The following ADAMTS20 variants were observed in gnomAD, a reference collection of about 807,000 sequenced individuals.
ADAMTS20 encodes the protein ADAM metallopeptidase with thrombospondin type 1 motif 20, also known as A disintegrin and metalloproteinase with thrombospondin motifs 20.
Under a neutral mutation model 260.1 loss-of-function variants are expected in ADAMTS20, and 225 were observed. That is an observed-to-expected ratio of 0.87 (90% CI 0.78 to 0.97). The LOEUF (loss-of-function observed/expected upper bound fraction) is 0.97. Among genes scored for constraint, ADAMTS20 ranks in the 50% least tolerant of loss-of-function variants. ADAMTS20 has a pLI of 0.00. For synonymous variants in ADAMTS20, 802 were observed against 769.5 expected (o/e 1.04, Z -0.70); for missense variants, 2,400 against 2,337.7 (o/e 1.03, Z -0.55).
intron 28 of ADAMTS20, among the ~76,000 whole-genome samples, chr12:43,418,610 C>T (rs1330195939): frequency 1.3e-5 from 2 of 152,124 alleles, no homozygotes; most frequent in African/African-American, 2.4e-5. Flanking sequence ...CACCCAGGCT[C>T]GCCAAGGGCA....
At chr12:43,373,853 G>A (rs969439047) in intron 36 of ADAMTS20, among the ~76,000 whole-genome samples, 17 of 151,074 alleles carry the variant, frequency 1.1e-4, no homozygotes, top group Non-Finnish European at 2.2e-4. Flanking sequence ...CTAATTTTTT[G>A]TATTTTTAGT....
Position 43,369,331 on chromosome 12 carries a change from CA to C in ADAMTS20, c.5496del (p.Phe1832LeufsTer27). ...SKTIFGNAVP[F>X]ATAGDCYSAF... ...GCACTGTAGCAATCTCCAGCTGTGGCAAATGGAACTGCATTTCCAAATATTG... is the reference window on the plus strand; with the variant it reads ...GCACTGTAGCAATCTCCAGCTGTGGCAATGGAACTGCATTTCCAAATATTG... On this transcript the variant is annotated frameshift_variant, in exon 37 of 39. Coordinates refer to ENST00000389420, the MANE Select transcript of ADAMTS20 (RefSeq NM_025003.5). LOFTEE classifies it high-confidence loss of function. 6.4e-7 allele frequency: 1 copy of C among 1,559,828 alleles called. No individual in the cohort carries two copies. Among genetic ancestry groups the C allele is most frequent in the South Asian group, 1.2e-5 (1 of 81,438 alleles).
rs368540673 is a variant in ADAMTS20, at chr12:43,532,104, G to A, written c.545C>T (p.Pro182Leu). 10 of 1,612,182 alleles carry A rather than the reference G, an allele frequency of 6.2e-6. No homozygotes were observed. Among genetic ancestry groups the A allele is most frequent in the Admixed American group, 1.7e-5 (1 of 59,864 alleles). ...GNEYEDGHNK[P>L]HLIYRQDLNN... is the part of the protein sequence containing the mutation. ...TAAGTCTTGTCTGTATATAAGATGT[G>A]GCTTGTTGTGACCATCTTCATATTC... The change falls in exon 3 of 39, where the codon CCA becomes CTA. Residue 182 changes from proline to leucine, a missense_variant. Transcript: ENST00000389420.
chr12:43,376,029 C>G, intron 35 of ADAMTS20, 28 bp downstream of exon 35: 1 of 1,536,348 alleles, frequency 6.5e-7, no homozygotes, highest in Non-Finnish European at 8.8e-7. Context: ...CATGAAAATG[C>G]TCAGATAGAC....
At chr12:43,415,450 T>C (rs759387539) in intron 28 of ADAMTS20, among the ~76,000 whole-genome samples, 2 of 152,236 alleles carry the variant, frequency 1.3e-5, no homozygotes, top group Non-Finnish European at 2.9e-5. Context: ...GTTTGAAATA[T>C]TATTAGCCTT....
chr12:43,472,719 T>C (rs1459405693), intron 7 of ADAMTS20, among the ~76,000 whole-genome samples: 1 of 149,668 alleles, frequency 6.7e-6, no homozygotes, highest in Non-Finnish European at 1.5e-5. Flanking sequence ...AGCCAGAATT[T>C]CATATCCAGC....
At chr12:43,358,924 G>C (rs1405590194) in intron 37 of ADAMTS20, among the ~76,000 whole-genome samples, 1 of 147,668 alleles carries the variant, frequency 6.8e-6, no homozygotes, top group African/African-American at 2.6e-5. Flanking sequence ...GATTTTAGAA[G>C]TAATAAATAA....
At chr12:43,420,318 C>T (rs1316261151) in intron 28 of ADAMTS20, among the ~76,000 whole-genome samples, 1 of 152,078 alleles carries the variant, frequency 6.6e-6, no homozygotes, top group Non-Finnish European at 1.5e-5. Flanking sequence ...GTAGTAGATA[C>T]TCATACTTTT....
chr12:43,503,878 T>C (rs1006058499), intron 3 of ADAMTS20, among the ~76,000 whole-genome samples: 1 of 152,174 alleles, frequency 6.6e-6, no homozygotes, highest in Non-Finnish European at 1.5e-5. Flanking sequence ...TTCATGTTGT[T>C]GAAAGAACAT....
At chr12:43,501,461 A>G (rs7971722) in intron 4 of ADAMTS20, among the ~76,000 whole-genome samples, 30,836 of 130,592 alleles carry the variant, frequency 0.24, 3,859 homozygotes, top group East Asian at 0.45. Context: ...GGAGGGGGAT[A>G]CGCGCGCGCG....
At chr12:43,514,181 G>T (rs1225161934) in intron 3 of ADAMTS20, among the ~76,000 whole-genome samples, 7 of 150,884 alleles carry the variant, frequency 4.6e-5, no homozygotes, top group Non-Finnish European at 1.0e-4. Context: ...TGAAATCCTG[G>T]GCTCAAGCAA....
chr12:43,490,345 A>G (rs1942581869), intron 7 of ADAMTS20, 50 bp downstream of exon 7: 2 of 930,294 alleles, frequency 2.1e-6, no homozygotes, highest in Non-Finnish European at 3.1e-6. Flanking sequence ...TATTGTAAAT[A>G]ATTCAATAAA....
chr12:43,368,986 C>T (rs1036987344), intron 37 of ADAMTS20, among the ~76,000 whole-genome samples: 1 of 152,090 alleles, frequency 6.6e-6, no homozygotes, highest in African/African-American at 2.4e-5. Context: ...GTTCCTTTGC[C>T]TTTTGACAAA....
intron 3 of ADAMTS20, among the ~76,000 whole-genome samples, chr12:43,509,202 C>T (rs1942888785): frequency 6.6e-6 from 1 of 151,984 alleles, no homozygotes; most frequent in Non-Finnish European, 1.5e-5. Context: ...GGAAATAGTG[C>T]CGCGATGAAT....
intron 3 of ADAMTS20, among the ~76,000 whole-genome samples, chr12:43,514,545 A>T (rs1039121082): frequency 8.5e-6 from 1 of 118,026 alleles, no homozygotes; most frequent in Non-Finnish European, 1.6e-5. Flanking sequence ...CCGGTGACAG[A>T]GTGAGACTCT....
intron 7 of ADAMTS20, among the ~76,000 whole-genome samples, chr12:43,471,678 C>A (rs1942264621): frequency 2.1e-5 from 3 of 140,236 alleles, no homozygotes; most frequent in Admixed American, 7.3e-5. Context: ...GTCCCTGACC[C>A]CTGACCCCCG....
At chr12:43,549,909 AAC>A (rs1214991214) in intron 2 of ADAMTS20, among the ~76,000 whole-genome samples, 2 of 152,244 alleles carry the variant, frequency 1.3e-5, no homozygotes, top group Non-Finnish European at 2.9e-5. Context: ...TCAAAGAATA[AAC>A]AGTGTTGATG....
chr12:43,533,110 G>A (rs1437840163), intron 2 of ADAMTS20, among the ~76,000 whole-genome samples: 1 of 60,980 alleles, frequency 1.6e-5, no homozygotes, highest in East Asian at 4.3e-4. Context: ...TCTAGTTCTA[G>A]ATCCCTGAGG....
rs763381043 is a variant in ADAMTS20, at chr12:43,383,972, A to G, written c.4458T>C (p.Ser1486=). 1.3e-5 allele frequency: 21 copies of G among 1,613,558 alleles called. No homozygotes were observed. In the South Asian group the frequency reaches 2.1e-4, roughly 16 times the overall value. The part of the protein sequence containing the change: ...SWKANSWNEC[S]VTCGSGVQQR... The stretch of plus-strand genomic sequence containing the variant: ...GCTGAACTCCAGAGCCACAGGTCAC[A>G]GAGCACTACAAAGGAGTCCAGTTGA... Residue 1486 remains serine (S), a synonymous_variant, in exon 30 of 39, where the codon TCT becomes TCC. Coordinates refer to ENST00000389420, the MANE Select transcript of ADAMTS20 (RefSeq NM_025003.5).
Sources: allele counts gnomAD v4.1 joint callset (sites outside exome capture counted in the v4.1 genomes callset), GRCh38; gene constraint gnomAD v4.1.1; transcripts MANE v1.5; gene names NCBI Gene and HGNC (gene_info 2026-07-23, HGNC 2026-07-21).